Variants in IFT80 observed in about 807,000 individuals in gnomAD.
The protein encoded by IFT80 is intraflagellar transport protein 80 homolog.
Under a neutral mutation model 107.9 loss-of-function variants are expected in IFT80, and 79 were observed. The observed-to-expected ratio is 0.73, with a 90% CI of 0.61 to 0.88. The LOEUF is 0.88. Ranked by LOEUF, IFT80 falls within the 40% of genes least tolerant of loss-of-function variation. IFT80 has a pLI of 0.00. For synonymous variants in IFT80, 299 were observed against 300.9 expected, an observed-to-expected ratio of 0.99 and a Z score of 0.07; for missense variants, 797 against 914.2, an observed-to-expected ratio of 0.87 and a Z score of 1.65.
rs1255793756 is a variant in IFT80 at position 160,280,769 on chromosome 3, A to G, written c.1562T>C (p.Leu521Pro). The change falls in exon 15 of 20, where the codon CTT (leucine) becomes CCT (proline). Residue 521 changes from leucine to proline, a missense_variant. Coordinates refer to ENST00000326448, the MANE Select transcript of IFT80 (RefSeq NM_020800.3). Reference sequence around the variant, plus strand: ...AAATCGAGTATCTTGAAGTCCACAAAGGATATTGCATGTATCGTTCCATGC... The same window carrying G: ...AAATCGAGTATCTTGAAGTCCACAAGGGATATTGCATGTATCGTTCCATGC... ...TLAWNDTCNI[L>P]CGLQDTRFIV... 1 of 1,613,292 alleles carries G rather than the reference A, an allele frequency of 6.2e-7. No individual in the cohort carries two copies. The highest frequency in any genetic ancestry group is 8.5e-7 in the Non-Finnish European group (1 of 1,179,450).
At chr3:160,331,369 A>G (rs979365917) in intron 8 of IFT80, among the ~76,000 whole-genome samples, 1 of 152,196 alleles carries the variant, frequency 6.6e-6, no homozygotes, top group Non-Finnish European at 1.5e-5. Flanking sequence ...AGTGTGCAAT[A>G]TAAAACTTAT....
At chr3:160,355,919 A>G in intron 8 of IFT80, 94 bp downstream of exon 8, 1 of 1,396,882 alleles carries the variant, frequency 7.2e-7, no homozygotes, top group Admixed American at 1.7e-5. Flanking sequence ...AGATGCATCC[A>G]TTGAAAATGT....
chr3:160,390,655 G>A (rs1245933962), intron 1 of IFT80, among the ~76,000 whole-genome samples: 2 of 152,136 alleles, frequency 1.3e-5, no homozygotes, highest in South Asian at 2.1e-4. Context: ...CTGCTTCTGT[G>A]GTATGAATTT....
At chr3:160,375,754 T>C (rs1711963812) in intron 5 of IFT80, 58 bp downstream of exon 5, 1 of 1,174,578 alleles carries the variant, frequency 8.5e-7, no homozygotes, top group South Asian at 1.3e-5. Context: ...AGGAAAACTT[T>C]AAGGCATTTT....
In IFT80 at chr3:160,375,798, A is replaced by T; in HGVS notation, c.439+14T>A. On this transcript the variant is annotated intron_variant, in intron 5 of 19. Coordinates refer to ENST00000326448, the MANE Select transcript of IFT80 (RefSeq NM_020800.3). ...ATAATTTGCAAAAATGAAATTGTCAATTGTAAAACATACCTTGCTGAGCTA... is the reference window on the plus strand; with the variant it reads ...ATAATTTGCAAAAATGAAATTGTCATTTGTAAAACATACCTTGCTGAGCTA... 6.3e-7 allele frequency: 1 copy of T among 1,598,146 alleles called. No individual in the cohort carries two copies. The highest frequency in any genetic ancestry group is 8.6e-7 in the Non-Finnish European group (1 of 1,166,844).
Position 160,268,458 on chromosome 3 carries a change from A to G in IFT80, c.2178T>C (p.Phe726=). 6.2e-7 allele frequency: 1 copy of G among 1,613,582 alleles called. No homozygotes were observed. The highest frequency in any genetic ancestry group is 8.5e-7 in the Non-Finnish European group (1 of 1,179,604). ...LAYRQKFLET[F]GKQETNKRYL... is the part of the protein sequence containing the mutation. ...ATCGTTTATTAGTTTCCTGTTTACC[A>G]AATGTCTCCAAAAACTTTTGACGGT... Residue 726 remains phenylalanine, a synonymous_variant, in exon 19 of 20, where the codon TTT becomes TTC. Coordinates refer to ENST00000326448, the MANE Select transcript of IFT80 (RefSeq NM_020800.3).
At chr3:160,368,607 C>A (rs1398883848) in intron 5 of IFT80, among the ~76,000 whole-genome samples, 1 of 151,600 alleles carries the variant, frequency 6.6e-6, no homozygotes, top group Admixed American at 6.6e-5. Context: ...AAATAAATCT[C>A]CAAATGAACG....
At chr3:160,372,821 A>C (rs1711632648) in intron 5 of IFT80, among the ~76,000 whole-genome samples, 1 of 152,226 alleles carries the variant, frequency 6.6e-6, no homozygotes, top group Non-Finnish European at 1.5e-5. Flanking sequence ...TGATGAATAC[A>C]TAAGAAAATC....
intron 12 of IFT80, among the ~76,000 whole-genome samples, chr3:160,294,157 C>T (rs150138996): frequency 5.6e-4 from 86 of 152,270 alleles, no homozygotes; most frequent in African/African-American, 2.0e-3. Context: ...GGAACCCCCA[C>T]CCCCACAAAA....
intron 5 of IFT80, among the ~76,000 whole-genome samples, chr3:160,368,961 T>C (rs1043955660): frequency 1.3e-5 from 2 of 151,942 alleles, no homozygotes; most frequent in African/African-American, 4.8e-5. Flanking sequence ...GCTTTAGTTG[T>C]GGTAAAAGGC....
intron 8 of IFT80, among the ~76,000 whole-genome samples, chr3:160,323,379 C>G (rs1174113552): frequency 6.6e-6 from 1 of 151,316 alleles, no homozygotes; most frequent in Non-Finnish European, 1.5e-5. Context: ...GGGCTCTGTT[C>G]TGTTCCATTG....
intron 8 of IFT80, among the ~76,000 whole-genome samples, chr3:160,324,479 G>A (rs1489815906): frequency 6.6e-6 from 1 of 151,926 alleles, no homozygotes; most frequent in East Asian, 1.9e-4. Flanking sequence ...TTCAATATAC[G>A]CAAATCAATA....
intron 19 of IFT80, among the ~76,000 whole-genome samples, chr3:160,258,944 C>A (rs1466740355): frequency 6.6e-6 from 1 of 151,494 alleles, no homozygotes; most frequent in East Asian, 1.9e-4. Flanking sequence ...AAAATAAATA[C>A]AAAAAATAAA....
At chr3:160,397,683 T>C (rs1455583590) in intron 1 of IFT80, among the ~76,000 whole-genome samples, 3 of 151,490 alleles carry the variant, frequency 2.0e-5, no homozygotes, top group Admixed American at 6.6e-5. Flanking sequence ...TTGTGCTCTG[T>C]TGCCCCAAAT....
At chr3:160,279,123 T>C in intron 16 of IFT80, 70 bp downstream of exon 16, 1 of 1,250,992 alleles carries the variant, frequency 8.0e-7, no homozygotes, top group Non-Finnish European at 1.2e-6. Context: ...CCTATTATCA[T>C]TACTCATTTT....
At chr3:160,332,265 A>G (rs1719140528) in intron 8 of IFT80, among the ~76,000 whole-genome samples, 1 of 152,196 alleles carries the variant, frequency 6.6e-6, no homozygotes, top group Non-Finnish European at 1.5e-5. Context: ...TTTATTACTC[A>G]TAGATCTAAG....
intron 8 of IFT80, among the ~76,000 whole-genome samples, chr3:160,351,171 T>C (rs1720672011): frequency 6.6e-6 from 1 of 151,988 alleles, no homozygotes; most frequent in Non-Finnish European, 1.5e-5. Flanking sequence ...TTTCTGTTCA[T>C]TTATACAGAT....
intron 9 of IFT80, among the ~76,000 whole-genome samples, chr3:160,318,290 T>C (rs1221104150): frequency 6.6e-6 from 1 of 151,990 alleles, no homozygotes; most frequent in Non-Finnish European, 1.5e-5. Flanking sequence ...ATTAGTAATC[T>C]AGTGACAATA....
chr3:160,389,385 T>C (rs1713183626), intron 1 of IFT80, among the ~76,000 whole-genome samples: 1 of 151,960 alleles, frequency 6.6e-6, no homozygotes, highest in African/African-American at 2.4e-5. Context: ...AATGTGCAGG[T>C]TAGTTACATA....
Sources: gnomAD v4.1 joint callset for allele counts (sites outside exome capture counted in the v4.1 genomes callset) on GRCh38, gnomAD v4.1.1 for gene constraint, MANE v1.5 for transcripts, NCBI Gene and HGNC (gene_info 2026-07-23, HGNC 2026-07-21) for gene names.